Variants in TRIM22 observed in about 807,000 individuals in gnomAD.
The protein encoded by TRIM22 is E3 ubiquitin-protein ligase TRIM22.
In TRIM22, 45 loss-of-function variants were observed where a neutral mutation model predicts 53.6. That is an observed-to-expected ratio of 0.84 (90% CI 0.66 to 1.08). The LOEUF is 1.08. Among genes scored for constraint, TRIM22 ranks in the 50% least tolerant of loss-of-function variants. The pLI, the probability that TRIM22 is intolerant of heterozygous loss-of-function variation, is 0.00. For synonymous variants in TRIM22, 225 were observed against 216.6 expected, an observed-to-expected ratio of 1.04 and a Z score of -0.34; for missense variants, 616 against 590.9, an observed-to-expected ratio of 1.04 and a Z score of -0.44.
intron 4 of TRIM22, among the ~76,000 whole-genome samples, chr11:5,704,471 G>A (rs781194454): frequency 3.9e-5 from 6 of 152,034 alleles, no homozygotes; most frequent in Admixed American, 2.0e-4. Context: ...TATCTGAATG[G>A]ATGTTGATTT....
intron 4 of TRIM22, 87 bp from the exon 5 acceptor site, chr11:5,706,507 T>C (rs1590320036): frequency 7.9e-7 from 1 of 1,267,540 alleles, no homozygotes; most frequent in African/African-American, 1.5e-5. Context: ...AATATATTGT[T>C]TATCCCAAAT....
At chr11:5,690,282 C>T (rs886300366) in intron 1 of TRIM22, among the ~76,000 whole-genome samples, 21 of 152,146 alleles carry the variant, frequency 1.4e-4, no homozygotes, top group African/African-American at 2.7e-4. Context: ...CTTTGCCAGT[C>T]GCCATGAGAG....
chr11:5,708,272 A>G lies in TRIM22; in HGVS notation c.873A>G (p.Lys291=). The G allele has an allele frequency of 6.2e-7, 1 of 1,611,930 alleles. No individual in the cohort carries two copies. The highest frequency in any genetic ancestry group is 8.5e-7 in the Non-Finnish European group (1 of 1,177,962). Residue 291 remains lysine (K), a splice_region_variant and synonymous_variant, in exon 6 of 8, where the codon AAA becomes AAG. Transcript: ENST00000379965. ...PDLSGMLQVL[K]ELTDVQYYWV... is the part of the protein sequence containing the mutation. Reference sequence around the variant, plus strand: ...TGAGTGGGATGCTGCAAGTTCTTAAAGGTAAGGGGATTCAGGGGAAGGCTG... The same window carrying G: ...TGAGTGGGATGCTGCAAGTTCTTAAGGGTAAGGGGATTCAGGGGAAGGCTG...
At chr11:5,698,601 G>A (rs1304249378) in intron 4 of TRIM22, 56 bp downstream of exon 4, 96 of 1,428,774 alleles carry the variant, frequency 6.7e-5, no homozygotes, top group Non-Finnish European at 8.6e-5. Context: ...CACAGAGGCC[G>A]ATTTTCCTTC....
rs1853549072 is a variant in TRIM22 at position 5,710,814 on chromosome 11, TG to T, written c.*1167del. On this transcript the variant is annotated 3_prime_UTR_variant, in exon 8 of 8. Transcript: ENST00000379965. Reference sequence around the variant, plus strand: ...TTCAATGTCTTGGGAAACAATTTTTTGTTTTTGTTCTGTTTTCTTTTTGCTT... The same window carrying T: ...TTCAATGTCTTGGGAAACAATTTTTTTTTTTGTTCTGTTTTCTTTTTGCTT... 1 of 152,208 alleles carries T rather than the reference TG, an allele frequency of 6.6e-6. No homozygotes were observed. Among genetic ancestry groups the T allele is most frequent in the Non-Finnish European group, 1.5e-5 (1 of 68,030 alleles). 9.4% of individuals were successfully genotyped at this position (152,208 alleles called of 1,614,324 possible). A position where few individuals can be genotyped will look rare whatever the true frequency, so the allele number is the denominator to read the frequency against.
intron 1 of TRIM22, among the ~76,000 whole-genome samples, chr11:5,694,339 C>A (rs1853222566): frequency 6.6e-6 from 1 of 152,204 alleles, no homozygotes; most frequent in African/African-American, 2.4e-5. Context: ...ATTTTAGCCT[C>A]TTTTCCTCTT....
intron 1 of TRIM22, among the ~76,000 whole-genome samples, chr11:5,695,070 G>C (rs1039106593): frequency 6.6e-6 from 1 of 152,130 alleles, no homozygotes; most frequent in Non-Finnish European, 1.5e-5. Context: ...TCTAGGTATA[G>C]AGGACATATC....
intron 5 of TRIM22, 140 bp downstream of exon 5, chr11:5,706,756 C>T: frequency 1.1e-6 from 1 of 882,434 alleles, no homozygotes; most frequent in Non-Finnish European, 1.7e-6. Flanking sequence ...AATTGCTAGT[C>T]ACAGATTAAA....
rs374819748 is a variant in TRIM22, at chr11:5,709,930, C to A, written c.*282C>A. 8.7e-5 allele frequency: 34 copies of A among 390,474 alleles called. No individual in the cohort carries two copies. The highest frequency in any genetic ancestry group is 8.2e-5 in the Admixed American group (2 of 24,280). The allele number at this position is 390,474 out of a possible 1,614,324, so 24.2% of individuals were successfully genotyped here. On this transcript the variant is annotated 3_prime_UTR_variant, in exon 8 of 8. Coordinates refer to ENST00000379965, the MANE Select transcript of TRIM22 (RefSeq NM_006074.5). ...TGCAAGGAAGGGCTCTGTTCCATGC[C>A]TCTCTCCTTGGCTTGTAGAAGGCAT... is the stretch of plus-strand genomic sequence containing the variant.
chr11:5,699,023 T>C (rs2134176436), intron 4 of TRIM22, among the ~76,000 whole-genome samples: 1 of 152,368 alleles, frequency 6.6e-6, no homozygotes, highest in South Asian at 2.1e-4. Context: ...GAGGTTTATT[T>C]ATATTGCAGT....
intron 6 of TRIM22, 93 bp downstream of exon 6, chr11:5,708,366 A>T: frequency 8.3e-7 from 1 of 1,211,778 alleles, no homozygotes. Context: ...AGGATATAGG[A>T]GAGGAGGTGG....
intron 4 of TRIM22, among the ~76,000 whole-genome samples, chr11:5,704,039 G>A (rs917602760): frequency 2.6e-5 from 4 of 152,074 alleles, no homozygotes; most frequent in Non-Finnish European, 5.9e-5. Context: ...GTACTCTGTT[G>A]GTAGAAATGT....
At chr11:5,698,599 C>A (rs1359799645) in intron 4 of TRIM22, 54 bp downstream of exon 4, 42 of 1,435,676 alleles carry the variant, frequency 2.9e-5, no homozygotes, top group Non-Finnish European at 3.5e-5. Flanking sequence ...AACACAGAGG[C>A]CGATTTTCCT....
rs1021883855 is a variant in TRIM22 at position 5,696,374 on chromosome 11, A to G, written c.142A>G (p.Ile48Val). 39 of 1,614,140 alleles carry G rather than the reference A, an allele frequency of 2.4e-5. No homozygotes were observed. Among genetic ancestry groups the G allele is most frequent in the Non-Finnish European group, 3.3e-5 (39 of 1,180,054 alleles). Residue 48 changes from isoleucine (I) to valine (V), a missense_variant, in exon 2 of 8, where the codon ATC (isoleucine) becomes GTC (valine). By Grantham distance (29) the Ile-to-Val change is conservative. Coordinates refer to ENST00000379965, the MANE Select transcript of TRIM22 (RefSeq NM_006074.5). Reference sequence around the variant, plus strand: ...CACTGCAAAGATCAAGGAGTCAGTGATCATCTCAAGAGGGGAAAGCAGCTG... The same window carrying G: ...CACTGCAAAGATCAAGGAGTCAGTGGTCATCTCAAGAGGGGAAAGCAGCTG... ...CITAKIKESV[I>V]ISRGESSCPV...
chr11:5,708,426 G>C (rs912885882), intron 6 of TRIM22, 151 bp from the exon 7 acceptor site: 5 of 977,156 alleles, frequency 5.1e-6, no homozygotes, highest in Non-Finnish European at 7.6e-6. Flanking sequence ...CTGTCTTAGG[G>C]GGAATGACCA....
intron 4 of TRIM22, among the ~76,000 whole-genome samples, chr11:5,698,863 G>T (rs1021062818): frequency 8.5e-5 from 13 of 152,124 alleles, no homozygotes; most frequent in Non-Finnish European, 1.8e-4. Context: ...ATGCCTGTTT[G>T]CAGTCAATAT....
intron 3 of TRIM22, chr11:5,697,575 A>G (rs993863481): frequency 4.6e-6 from 2 of 431,716 alleles, no homozygotes; most frequent in Non-Finnish European, 8.2e-6. Flanking sequence ...AATATCTGTG[A>G]AAACGCTTCC....
chr11:5,701,429 T>G (rs773918314), intron 4 of TRIM22, among the ~76,000 whole-genome samples: 3 of 152,210 alleles, frequency 2.0e-5, no homozygotes, highest in Non-Finnish European at 4.4e-5. Context: ...AAGAAAACAT[T>G]TTGTATGAGT....
chr11:5,709,086 C>T lies in TRIM22; in HGVS notation c.935C>T (p.Ser312Leu), dbSNP rs370283523. The change falls in exon 8 of 8, where the codon TCG becomes TTG. Residue 312 changes from serine (S) to leucine (L), a missense_variant. Transcript: ENST00000379965. ...DVMLNPGSATSNVAISVDQRQ... is the reference protein window; with the variant it reads ...DVMLNPGSATLNVAISVDQRQ... ...ATGCTGAATCCAGGCAGTGCCACTT[C>T]GAATGTTGCTATTTCTGTGGATCAG... 56 of 1,613,730 alleles carry T rather than the reference C, an allele frequency of 3.5e-5. No individual in the cohort carries two copies. The South Asian group carries it at 3.7e-4, about 11-fold the overall frequency.
Sources: allele counts gnomAD v4.1 joint callset (sites outside exome capture counted in the v4.1 genomes callset), GRCh38; gene constraint gnomAD v4.1.1; transcripts MANE v1.5; gene names NCBI Gene and HGNC (gene_info 2026-07-23, HGNC 2026-07-21).